The following RALGAPB variants were observed in gnomAD, a reference collection of about 807,000 sequenced individuals.
The protein encoded by RALGAPB is ral GTPase-activating protein subunit beta.
Under a neutral mutation model 161.1 loss-of-function variants are expected in RALGAPB, and 25 were observed. The ratio of observed to expected loss-of-function variants is 0.16; its 90% CI spans 0.11 to 0.22. The LOEUF (loss-of-function observed/expected upper bound fraction) is 0.22, where lower values mean the gene tolerates loss of function less well. Ranked by LOEUF, RALGAPB falls within the 10% of genes least tolerant of loss-of-function variation. RALGAPB has a pLI of 1.00. For missense variants in RALGAPB, 1,391 were observed against 1,815.2 expected, an observed-to-expected ratio of 0.77 and a Z score of 4.25; for synonymous variants, 629 against 626.1, an observed-to-expected ratio of 1.00 and a Z score of -0.07.
chr20:38,509,350 C>T (rs2085864751), intron 6 of RALGAPB, 142 bp downstream of exon 6: 6 of 939,674 alleles, frequency 6.4e-6, no homozygotes, highest in Admixed American at 5.0e-5. Context: ...ACAACAAGCA[C>T]ATTTCTGTCC....
chr20:38,559,431 A>G (rs1049882259), intron 23 of RALGAPB, among the ~76,000 whole-genome samples: 11 of 152,358 alleles, frequency 7.2e-5, no homozygotes, highest in South Asian at 2.1e-4. Flanking sequence ...GTGGTGGCTC[A>G]CGCCTGTAAT....
rs1479285855 is a variant in RALGAPB at position 38,575,122 on chromosome 20, A to G, written c.*155A>G. 1.5e-6 allele frequency: 1 copy of G among 669,774 alleles called. No homozygotes were observed. The highest frequency in any genetic ancestry group is 2.5e-6 in the Non-Finnish European group (1 of 402,492). The allele number at this position is 669,774 out of a possible 1,614,324, so 41.5% of individuals were successfully genotyped here. On this transcript the variant is annotated 3_prime_UTR_variant, in exon 30 of 30. Transcript: ENST00000262879. ...GAAGAAACACATTATAACCCATTTG[A>G]TAGAAGACTTTGGGCTATCTAGTGA...
chr20:38,548,914 C>A, intron 20 of RALGAPB, 119 bp downstream of exon 20: 1 of 791,376 alleles, frequency 1.3e-6, no homozygotes, highest in Non-Finnish European at 2.1e-6. Flanking sequence ...GATTCTCAGT[C>A]AGTGGGTTCA....
intron 2 of RALGAPB, 72 bp from the exon 3 acceptor site, chr20:38,492,858 A>G: frequency 7.9e-7 from 1 of 1,267,814 alleles, no homozygotes. Flanking sequence ...AATAAAAGAG[A>G]TTGACATTTT....
chr20:38,505,182 C>G (rs955776121), intron 5 of RALGAPB, among the ~76,000 whole-genome samples: 2 of 152,176 alleles, frequency 1.3e-5, no homozygotes, highest in Non-Finnish European at 2.9e-5. Flanking sequence ...AGCCTAGATG[C>G]CCGTCGGTGG....
chr20:38,521,827 T>C (rs1248233993), intron 10 of RALGAPB, 129 bp downstream of exon 10: 1 of 966,250 alleles, frequency 1.0e-6, no homozygotes, highest in East Asian at 2.6e-5. Context: ...GATCGACATT[T>C]GCCTGAAATC....
rs2086415596 is a variant in RALGAPB at position 38,525,033 on chromosome 20, T to C, written c.1787+88T>C. The C allele has an allele frequency of 1.5e-5, 19 of 1,298,534 alleles. No homozygotes were observed. In the East Asian group the frequency reaches 4.4e-4, roughly 30 times the overall value. 80.4% of individuals were successfully genotyped at this position (1,298,534 alleles called of 1,614,324 possible). A position where few individuals can be genotyped will look rare whatever the true frequency, so the allele number is the denominator to read the frequency against. On this transcript the variant is annotated intron_variant, in intron 11 of 29. Coordinates refer to ENST00000262879, the MANE Select transcript of RALGAPB (RefSeq NM_020336.4). Reference sequence around the variant, plus strand: ...CTCCCCAGTTTCCTAATGTATCCTGTCCAGTTGTCTTCATAGTCCAAGAGA... The same window carrying C: ...CTCCCCAGTTTCCTAATGTATCCTGCCCAGTTGTCTTCATAGTCCAAGAGA...
chr20:38,500,306 A>G (rs2085546917), intron 5 of RALGAPB, among the ~76,000 whole-genome samples: 2 of 150,790 alleles, frequency 1.3e-5, no homozygotes, highest in Admixed American at 1.3e-4. Context: ...GTCGGGTGCC[A>G]TTTTTCCAAC....
chr20:38,548,872 C>A, intron 20 of RALGAPB, 77 bp downstream of exon 20: 2 of 1,218,972 alleles, frequency 1.6e-6, no homozygotes, highest in Non-Finnish European at 2.4e-6. Context: ...ACAGAAGACA[C>A]AGATCAAATA....
rs1407946863 is a variant in RALGAPB, at chr20:38,546,246, T to C, written c.2718T>C (p.Ile906=). The C allele has an allele frequency of 1.2e-6, 2 of 1,613,942 alleles. No individual in the cohort carries two copies. Among genetic ancestry groups the C allele is most frequent in the African/African-American group, 2.7e-5 (2 of 74,930 alleles). The change falls in exon 19 of 30, where the codon ATT becomes ATC. Residue 906 remains isoleucine (I), a synonymous_variant. Transcript: ENST00000262879. ...KDAAEATLTC[I]MQLLGAFPSP... ...TTATCTTTTCCATTCTCCATAGCAT[T>C]ATGCAGTTGCTCGGCGCATTTCCTT...
chr20:38,525,331 A>G lies in RALGAPB; in HGVS notation c.1788-73A>G, dbSNP rs1600944532. 7.2e-6 allele frequency: 7 copies of G among 978,242 alleles called. No individual in the cohort carries two copies. The East Asian group carries it at 1.7e-4, about 23-fold the overall frequency. The allele number at this position is 978,242 out of a possible 1,614,324, so 60.6% of individuals were successfully genotyped here. A position where few individuals can be genotyped will look rare whatever the true frequency, so the allele number is the denominator to read the frequency against. ...AATGCTTGGATTTGGAAAAATTGGC[A>G]TTATATGTATTTGGCAGTAGCTAAA... On this transcript the variant is annotated intron_variant, in intron 11 of 29. Coordinates refer to ENST00000262879, the MANE Select transcript of RALGAPB (RefSeq NM_020336.4).
At chr20:38,499,344 T>G in intron 4 of RALGAPB, 103 bp from the exon 5 acceptor site, 3 of 1,052,312 alleles carry the variant, frequency 2.9e-6, no homozygotes, top group Non-Finnish European at 4.1e-6. Flanking sequence ...AACTTAATAT[T>G]GCACTTATTT....
intron 24 of RALGAPB, among the ~76,000 whole-genome samples, chr20:38,564,393 T>C (rs2087907034): frequency 6.6e-6 from 1 of 152,244 alleles, no homozygotes; most frequent in Non-Finnish European, 1.5e-5. Flanking sequence ...AAAAGTTTGC[T>C]AACCTCTTGT....
intron 25 of RALGAPB, 37 bp from the exon 26 acceptor site, chr20:38,567,059 T>C (rs201349238): frequency 1.1e-4 from 182 of 1,585,462 alleles, no homozygotes; most frequent in Non-Finnish European, 1.2e-4. Flanking sequence ...AAATAAGTGG[T>C]ATGTATTATA....
chr20:38,519,431 CT>C (rs1471487148), intron 9 of RALGAPB, among the ~76,000 whole-genome samples: 2 of 151,824 alleles, frequency 1.3e-5, no homozygotes, highest in Non-Finnish European at 2.9e-5. Flanking sequence ...TACAATGTAA[CT>C]TTTGGGTATA....
At chr20:38,574,103 G>A in intron 28 of RALGAPB, 47 bp from the exon 29 acceptor site, 1 of 1,543,258 alleles carries the variant, frequency 6.5e-7, no homozygotes, top group Non-Finnish European at 8.8e-7. Flanking sequence ...GGTGTCTCGG[G>A]GACTTCAACT....
chr20:38,534,795 G>A (rs910403451), intron 15 of RALGAPB, among the ~76,000 whole-genome samples: 12 of 152,294 alleles, frequency 7.9e-5, no homozygotes, highest in Middle Eastern at 3.4e-3. Context: ...TTTAAATTAC[G>A]TTGTTATGAA....
chr20:38,488,375 G>C, intron 1 of RALGAPB, 28 bp from the exon 2 acceptor site: 2 of 1,358,444 alleles, frequency 1.5e-6, no homozygotes, highest in South Asian at 2.5e-5. Context: ...AGTATAATTT[G>C]ACATGCATTT....
chr20:38,534,950 T>C, intron 15 of RALGAPB, 124 bp from the exon 16 acceptor site: 2 of 1,179,872 alleles, frequency 1.7e-6, no homozygotes, highest in Non-Finnish European at 2.5e-6. Flanking sequence ...CGTAGCACTG[T>C]GTGGGTGCCC....
Sources: gnomAD v4.1 joint callset for allele counts (sites outside exome capture counted in the v4.1 genomes callset) on GRCh38, gnomAD v4.1.1 for gene constraint, MANE v1.5 for transcripts, NCBI Gene and HGNC (gene_info 2026-07-23, HGNC 2026-07-21) for gene names.